The following WDR19 variants were observed in gnomAD, a reference collection of about 807,000 sequenced individuals.
WDR19 encodes the protein WD repeat domain 19, also known as WD repeat-containing protein 19.
A neutral mutation model predicts 180.0 loss-of-function variants in WDR19; 121 were observed. That is an observed-to-expected ratio of 0.67 (90% CI 0.58 to 0.78). WDR19 has a LOEUF of 0.78. Ranked by LOEUF, WDR19 falls within the 30% of genes least tolerant of loss-of-function variation. The pLI, the probability that WDR19 is intolerant of heterozygous loss-of-function variation, is 0.00. For missense variants in WDR19, 1,450 were observed against 1,640.7 expected (o/e 0.88, Z 2.01); for synonymous variants, 497 against 540.7 (o/e 0.92, Z 1.12).
intron 31 of WDR19, among the ~76,000 whole-genome samples, chr4:39,272,473 T>C (rs1735463746): frequency 6.6e-6 from 1 of 152,218 alleles, no homozygotes. Flanking sequence ...AGTGGCTTCA[T>C]GTCCTGGCCC....
chr4:39,186,612 C>T lies in WDR19; in HGVS notation c.164+8C>T. On this transcript the variant is annotated splice_region_variant and intron_variant, in intron 3 of 36. Coordinates refer to ENST00000399820, the MANE Select transcript of WDR19 (RefSeq NM_025132.4). ...TGAAATTAACTTACCTGGGTAAGTA[C>T]AGAAGTAGATTTAAAAAAACCTGTC... 2 of 1,528,354 alleles carry T rather than the reference C, an allele frequency of 1.3e-6. No individual in the cohort carries two copies. Among genetic ancestry groups the T allele is most frequent in the Non-Finnish European group, 8.8e-7 (1 of 1,141,278 alleles). 94.7% of individuals were successfully genotyped at this position (1,528,354 alleles called of 1,614,324 possible).
At chr4:39,221,136 G>A (rs1361137699) in intron 14 of WDR19, among the ~76,000 whole-genome samples, 1 of 152,090 alleles carries the variant, frequency 6.6e-6, no homozygotes, top group Non-Finnish European at 1.5e-5. Context: ...ATATACATCA[G>A]TAAGGTAGGT....
intron 21 of WDR19, among the ~76,000 whole-genome samples, chr4:39,243,659 T>A (rs908266385): frequency 3.9e-5 from 6 of 152,222 alleles, no homozygotes; most frequent in Non-Finnish European, 8.8e-5. Flanking sequence ...CAGCCATATT[T>A]CAAATGCCCA....
chr4:39,185,585 A>G, intron 1 of WDR19, 141 bp from the exon 2 acceptor site: 1 of 685,262 alleles, frequency 1.5e-6, no homozygotes, highest in Non-Finnish European at 2.4e-6. Context: ...TTTGTTGTTA[A>G]CTTCTAGATA....
At chr4:39,238,333 A>G (rs1057445810) in intron 20 of WDR19, among the ~76,000 whole-genome samples, 1 of 152,212 alleles carries the variant, frequency 6.6e-6, no homozygotes, top group African/African-American at 2.4e-5. Flanking sequence ...TTAACTTACT[A>G]AAGTCTGGGA....
intron 7 of WDR19, among the ~76,000 whole-genome samples, chr4:39,204,875 G>A (rs1158478034): frequency 1.3e-5 from 2 of 152,148 alleles, no homozygotes; most frequent in Non-Finnish European, 2.9e-5. Context: ...GTAGTGTGCA[G>A]TACTCTAATG....
Position 39,224,866 on chromosome 4 carries a change from A to ATTT in WDR19, c.1480-5_1480-3dup. ...CTACCTTTTATATTTTCATGGCTGG[A>ATTT]TTTTTTTTTTTTTTTAGACTGGTGT... On this transcript the variant is annotated splice_polypyrimidine_tract_variant and intron_variant, in intron 14 of 36. Coordinates refer to ENST00000399820, the MANE Select transcript of WDR19 (RefSeq NM_025132.4). The ATTT allele has an allele frequency of 1.6e-5, 21 of 1,300,482 alleles. No individual in the cohort carries two copies. Among genetic ancestry groups the ATTT allele is most frequent in the South Asian group, 5.3e-5 (3 of 56,582 alleles). The allele number at this position is 1,300,482 out of a possible 1,614,324, so 80.6% of individuals were successfully genotyped here.
intron 7 of WDR19, among the ~76,000 whole-genome samples, chr4:39,204,620 C>CA (rs1390883872): frequency 6.6e-6 from 1 of 152,170 alleles, no homozygotes; most frequent in African/African-American, 2.4e-5. Context: ...AACATAATTA[C>CA]ATCCTCCACT....
chr4:39,197,498 G>A (rs1390461284), intron 5 of WDR19, among the ~76,000 whole-genome samples: 1 of 151,676 alleles, frequency 6.6e-6, no homozygotes, highest in Non-Finnish European at 1.5e-5. Context: ...TTTTTCAGTA[G>A]GTAGTGGAGC....
At chr4:39,264,618 A>G in intron 28 of WDR19, among the ~76,000 whole-genome samples, 1 of 152,112 alleles carries the variant, frequency 6.6e-6, no homozygotes, top group East Asian at 1.9e-4. Flanking sequence ...CCCAGTGATC[A>G]TCTCCTCCAT....
rs1318406101 is a variant in WDR19, at chr4:39,245,391, C to T, written c.2668C>T (p.Pro890Ser). Residue 890 changes from proline (P) to serine (S), a missense_variant, in exon 24 of 37, where the codon CCC (proline) becomes TCC (serine). By Grantham distance (74) the Pro-to-Ser change is moderately conservative. Coordinates refer to ENST00000399820, the MANE Select transcript of WDR19 (RefSeq NM_025132.4). ...KNWAKVGDLL[P>S]HVSSPKIHLQ... ...CAGGGCAAAAGTTGGTGATCTTCTG[C>T]CCCACGTTTCTTCTCCTAAGATCCA... 5.6e-6 allele frequency: 9 copies of T among 1,613,462 alleles called. No homozygotes were observed. The East Asian group carries it at 1.6e-4, about 28-fold the overall frequency.
chr4:39,189,688 G>T lies in WDR19; in HGVS notation c.197G>T (p.Gly66Val). ...GTTGCCATGGATTGGGATAAAGATG[G>T]AGATGTCCTAGCAGTGATTGCTGAG... The part of the protein sequence containing the change: ...NCVAMDWDKD[G>V]DVLAVIAEKS... Residue 66 changes from glycine (G) to valine (V), a missense_variant, in exon 4 of 37, where the codon GGA (glycine) becomes GTA (valine). Gly to Val is a moderately radical substitution (Grantham distance 109, BLOSUM62 -3). Transcript: ENST00000399820. 6.2e-7 allele frequency: 1 copy of T among 1,607,692 alleles called. No individual in the cohort carries two copies. Among genetic ancestry groups the T allele is most frequent in the South Asian group, 1.1e-5 (1 of 89,130 alleles).
chr4:39,250,039 C>T (rs941389148), intron 24 of WDR19, among the ~76,000 whole-genome samples: 23 of 152,004 alleles, frequency 1.5e-4, no homozygotes, highest in South Asian at 2.1e-4. Context: ...AGAGACACAA[C>T]GAAAAAAGAG....
chr4:39,261,981 G>A (rs1465403107), intron 28 of WDR19, among the ~76,000 whole-genome samples: 1 of 151,846 alleles, frequency 6.6e-6, no homozygotes, highest in East Asian at 1.9e-4. Context: ...TTCTCAAGCT[G>A]CAAAACCTAT....
At chr4:39,217,427 C>G (rs1729176377) in intron 13 of WDR19, among the ~76,000 whole-genome samples, 187 bp downstream of exon 13, 1 of 152,038 alleles carries the variant, frequency 6.6e-6, no homozygotes, top group East Asian at 1.9e-4. Context: ...AACCCTGTTC[C>G]CCAAAAACCT....
At chr4:39,270,133 T>A (rs781053424) in intron 31 of WDR19, 33 bp downstream of exon 31, 53 of 1,608,452 alleles carry the variant, frequency 3.3e-5, no homozygotes, top group Non-Finnish European at 4.3e-5. Context: ...GGACATAACC[T>A]GCCAGGTGTT....
intron 4 of WDR19, among the ~76,000 whole-genome samples, chr4:39,193,437 C>T (rs530876901): frequency 1.8e-4 from 28 of 152,152 alleles, no homozygotes; most frequent in African/African-American, 2.2e-4. Context: ...GGGTTACAGG[C>T]GTGAGTCACC....
intron 28 of WDR19, among the ~76,000 whole-genome samples, chr4:39,260,666 T>G (rs1734201725): frequency 6.6e-6 from 1 of 152,148 alleles, no homozygotes; most frequent in East Asian, 1.9e-4. Flanking sequence ...TTAAATCAAC[T>G]TGGGCTGCCA....
intron 19 of WDR19, among the ~76,000 whole-genome samples, 200 bp from the exon 20 acceptor site, chr4:39,234,566 A>G (rs1312966566): frequency 2.6e-5 from 4 of 152,200 alleles, no homozygotes; most frequent in Non-Finnish European, 4.4e-5. Flanking sequence ...CCCTCCAAGA[A>G]TCAATTTTTG....
Sources: gnomAD v4.1 joint callset for allele counts (sites outside exome capture counted in the v4.1 genomes callset) on GRCh38, gnomAD v4.1.1 for gene constraint, MANE v1.5 for transcripts, NCBI Gene and HGNC (gene_info 2026-07-23, HGNC 2026-07-21) for gene names.